The following SIMC1 variants were observed in gnomAD, a reference collection of about 807,000 sequenced individuals.
SIMC1 encodes SUMO-interacting motif-containing protein 1.
SIMC1 carries 55 observed loss-of-function variants against 82.3 expected under a neutral mutation model. That is an observed-to-expected ratio of 0.67 (90% CI 0.54 to 0.84). The LOEUF (loss-of-function observed/expected upper bound fraction) is 0.84, where lower values mean the gene tolerates loss of function less well. Ranked by LOEUF, SIMC1 falls within the 40% of genes least tolerant of loss-of-function variation. The pLI, the probability that SIMC1 is intolerant of heterozygous loss-of-function variation, is 0.00. For synonymous variants in SIMC1, 353 were observed against 426.3 expected, an observed-to-expected ratio of 0.83 and a Z score of 2.12; for missense variants, 915 against 1,107.2, an observed-to-expected ratio of 0.83 and a Z score of 2.46.
At chr5:176,333,077 G>A (rs1005179902) in intron 7 of SIMC1, among the ~76,000 whole-genome samples, 1 of 152,184 alleles carries the variant, frequency 6.6e-6, no homozygotes, top group South Asian at 2.1e-4. Context: ...GCCAAGGTGG[G>A]CAGATCACTT....
At chr5:176,288,851 T>C (rs1225215128) in intron 1 of SIMC1, among the ~76,000 whole-genome samples, 1 of 152,212 alleles carries the variant, frequency 6.6e-6, no homozygotes, top group African/African-American at 2.4e-5. Context: ...TTTTCCAGGC[T>C]CATGGTACAG....
At chr5:176,313,507 C>A in intron 4 of SIMC1, 184 bp from the exon 5 acceptor site, 1 of 1,549,524 alleles carries the variant, frequency 6.5e-7, no homozygotes, top group Non-Finnish European at 8.8e-7. Context: ...TCAGCAGTCA[C>A]CCTATTTGTC....
chr5:176,255,029 C>T (rs1210368898), intron 1 of SIMC1, among the ~76,000 whole-genome samples: 2 of 151,924 alleles, frequency 1.3e-5, no homozygotes, highest in African/African-American at 4.8e-5. Flanking sequence ...GTAATCCCAG[C>T]ACTTTGGGAG....
rs138787300 is a variant in SIMC1, at chr5:176,315,113, TA to T, written c.1889+1271del. 3.7e-3 allele frequency among the ~76,000 whole-genome samples: 561 copies of T among 152,254 alleles called. 5 individuals are homozygous for T. Among genetic ancestry groups the T allele is most frequent in the African/African-American group, 0.013 (542 of 41,520 alleles). Reference sequence around the variant, plus strand: ...GGAATGCCTGAGGGTGGGTAATTTATAAAGAAAAGAGGTTTATTGGCTTACA... The same window carrying T: ...GGAATGCCTGAGGGTGGGTAATTTATAAGAAAAGAGGTTTATTGGCTTACA... On this transcript the variant is annotated intron_variant, in intron 5 of 9. Transcript: ENST00000429602.
chr5:176,279,236 G>A (rs13160711), intron 1 of SIMC1, among the ~76,000 whole-genome samples: 88,563 of 151,522 alleles, frequency 0.58, 25,942 homozygotes, highest in Middle Eastern at 0.63. Flanking sequence ...GTTTATTTGC[G>A]TAGAGGTGTT....
At chr5:176,326,513 A>G (rs1313770476) in intron 7 of SIMC1, among the ~76,000 whole-genome samples, 1 of 151,988 alleles carries the variant, frequency 6.6e-6, no homozygotes, top group African/African-American at 2.4e-5. Flanking sequence ...GATTACAGGC[A>G]TGAGCCACCG....
chr5:176,305,954 C>A (rs1274505598), intron 4 of SIMC1, among the ~76,000 whole-genome samples: 1 of 75,540 alleles, frequency 1.3e-5, no homozygotes, highest in Non-Finnish European at 2.8e-5. Context: ...CCCCTCTGCC[C>A]GGCCAGCCGC....
rs755400087 is a variant in SIMC1, at chr5:176,289,684, C to G, written c.160C>G (p.Pro54Ala). The G allele has an allele frequency of 6.2e-7, 1 of 1,610,378 alleles. No homozygotes were observed. The highest frequency in any genetic ancestry group is 8.5e-7 in the Non-Finnish European group (1 of 1,178,326). Residue 54 changes from proline (P) to alanine (A), a missense_variant, in exon 2 of 10, where the codon CCA (proline) becomes GCA (alanine). By Grantham distance (27) the Pro-to-Ala change is conservative. Coordinates refer to ENST00000429602, the MANE Select transcript of SIMC1 (RefSeq NM_001308195.2). Reference sequence around the variant, plus strand: ...CATTGACTTAACTAGAGAGACCAGACCAAGGACAAAAGATCGCAGTGGACT... The same window carrying G: ...CATTGACTTAACTAGAGAGACCAGAGCAAGGACAAAAGATCGCAGTGGACT... Reference protein sequence around the residue: ...DFIDLTRETRPRTKDRSGLYV... With the variant: ...DFIDLTRETRARTKDRSGLYV...
chr5:176,273,551 T>G (rs1336821993), intron 1 of SIMC1, among the ~76,000 whole-genome samples: 3 of 152,170 alleles, frequency 2.0e-5, no homozygotes, highest in Non-Finnish European at 4.4e-5. Context: ...ATGTGCACAA[T>G]GTGCAGGTTA....
chr5:176,295,323 G>A (rs1763768171), intron 3 of SIMC1, 61 bp downstream of exon 3: 1 of 1,508,612 alleles, frequency 6.6e-7, no homozygotes, highest in African/African-American at 1.4e-5. Flanking sequence ...TCAGGGCATA[G>A]CTTTCTCTTG....
chr5:176,344,586 C>T (rs1163706297), intron 9 of SIMC1, among the ~76,000 whole-genome samples: 1 of 152,162 alleles, frequency 6.6e-6, no homozygotes, highest in Non-Finnish European at 1.5e-5. Flanking sequence ...GTGGCCTTTG[C>T]TTCCAGTGAG....
At chr5:176,321,100 T>C (rs1474122733) in intron 5 of SIMC1, among the ~76,000 whole-genome samples, 2 of 152,180 alleles carry the variant, frequency 1.3e-5, no homozygotes, top group East Asian at 3.8e-4. Context: ...TGGTCATCAT[T>C]TCATTTCTTT....
At chr5:176,246,733 A>G (rs1761460567) in intron 1 of SIMC1, among the ~76,000 whole-genome samples, 1 of 151,834 alleles carries the variant, frequency 6.6e-6, no homozygotes, top group Non-Finnish European at 1.5e-5. Flanking sequence ...TACCTTAGGT[A>G]TTTCTCCTAA....
chr5:176,282,468 A>T (rs1763059212), intron 1 of SIMC1, among the ~76,000 whole-genome samples: 1 of 152,190 alleles, frequency 6.6e-6, no homozygotes, highest in Non-Finnish European at 1.5e-5. Context: ...GGCACTCCCC[A>T]GTGAGATGAA....
intron 6 of SIMC1, 193 bp downstream of exon 6, chr5:176,322,618 C>T: frequency 3.1e-6 from 2 of 643,170 alleles, no homozygotes; most frequent in Admixed American, 6.3e-5. Flanking sequence ...GGTGCTTTCA[C>T]CCCTAAAATG....
intron 1 of SIMC1, among the ~76,000 whole-genome samples, chr5:176,275,941 G>T (rs1376485451): frequency 2.0e-5 from 3 of 151,410 alleles, no homozygotes; most frequent in Non-Finnish European, 4.4e-5. Flanking sequence ...CTCTTTTTTG[G>T]TTGTGTCTCT....
intron 1 of SIMC1, among the ~76,000 whole-genome samples, chr5:176,271,808 ATGTCTCAAAATATTCC>A (rs1351973480): frequency 6.7e-5 from 10 of 149,506 alleles, no homozygotes; most frequent in African/African-American, 1.7e-4. Flanking sequence ...ACATTATACA[ATGTCTCAAAATATTCC>A]TGTCTCAAAA....
chr5:176,272,171 A>C (rs1211413457), intron 1 of SIMC1, among the ~76,000 whole-genome samples: 1 of 108,286 alleles, frequency 9.2e-6, no homozygotes, highest in Non-Finnish European at 2.0e-5. Context: ...TCCCATCTCT[A>C]CAAAAAAAAA....
chr5:176,282,467 C>T (rs113098116), intron 1 of SIMC1, among the ~76,000 whole-genome samples: 11 of 152,216 alleles, frequency 7.2e-5, no homozygotes, highest in African/African-American at 2.7e-4. Context: ...TGGCACTCCC[C>T]AGTGAGATGA....
Sources: allele counts gnomAD v4.1 joint callset (sites outside exome capture counted in the v4.1 genomes callset), GRCh38; gene constraint gnomAD v4.1.1; transcripts MANE v1.5; gene names NCBI Gene and HGNC (gene_info 2026-07-23, HGNC 2026-07-21).